Variants in ARSB observed in about 807,000 individuals in gnomAD.
The protein encoded by ARSB is N-acetylgalactosamine-4-sulfatase.
ARSB carries 41 observed loss-of-function variants against 50.9 expected under a neutral mutation model. The observed-to-expected ratio is 0.81, with a 90% CI of 0.63 to 1.04. ARSB has a LOEUF of 1.04. Ranked by LOEUF, ARSB falls within the 50% of genes least tolerant of loss-of-function variation. ARSB has a pLI of 0.00. For missense variants in ARSB, 672 were observed against 693.3 expected, an observed-to-expected ratio of 0.97 and a Z score of 0.35; for synonymous variants, 269 against 284.8, an observed-to-expected ratio of 0.94 and a Z score of 0.56.
At chr5:78,828,862 G>A (rs924869114) in intron 6 of ARSB, among the ~76,000 whole-genome samples, 1 of 152,200 alleles carries the variant, frequency 6.6e-6, no homozygotes, top group South Asian at 2.1e-4. Context: ...CTTTCAAATA[G>A]GGAGGTGATT....
chr5:78,933,920 A>T (rs1321177172), intron 4 of ARSB, among the ~76,000 whole-genome samples: 1 of 152,202 alleles, frequency 6.6e-6, no homozygotes, highest in Non-Finnish European at 1.5e-5. Context: ...GAGTGACGAG[A>T]GAGAAGAAAA....
chr5:78,793,089 T>C (rs1446952927), intron 6 of ARSB, among the ~76,000 whole-genome samples: 1 of 148,016 alleles, frequency 6.8e-6, no homozygotes, highest in Non-Finnish European at 1.5e-5. Context: ...TCCCTTAGTC[T>C]AGCCCAGCTG....
intron 6 of ARSB, among the ~76,000 whole-genome samples, chr5:78,827,199 T>C (rs946640714): frequency 2.6e-5 from 4 of 152,170 alleles, no homozygotes; most frequent in Non-Finnish European, 5.9e-5. Flanking sequence ...AAATATCTTA[T>C]ATAAACTACT....
intron 4 of ARSB, among the ~76,000 whole-genome samples, chr5:78,947,500 A>G (rs1751297594): frequency 6.6e-6 from 1 of 152,236 alleles, no homozygotes; most frequent in Non-Finnish European, 1.5e-5. Context: ...TTAAAAGAAG[A>G]CATATAAACG....
At chr5:78,807,550 C>T (rs1398429868) in intron 6 of ARSB, among the ~76,000 whole-genome samples, 1 of 152,140 alleles carries the variant, frequency 6.6e-6, no homozygotes, top group Non-Finnish European at 1.5e-5. Flanking sequence ...TATGCTGCTC[C>T]CCACCCCTTC....
Position 78,875,673 on chromosome 5 carries a change from TA to T in ARSB, c.1142+9910del, listed in dbSNP as rs201527184. 8.6e-4 allele frequency among the ~76,000 whole-genome samples: 123 copies of T among 143,658 alleles called. 1 individual carries two copies. Among genetic ancestry groups the T allele is most frequent in the Admixed American group, 7.1e-3 (102 of 14,396 alleles). The allele number at this position is 143,658 out of a possible 152,430, so 94.2% of individuals were successfully genotyped here. A position where few individuals can be genotyped will look rare whatever the true frequency, so the allele number is the denominator to read the frequency against. On this transcript the variant is annotated intron_variant, in intron 5 of 7. Transcript: ENST00000264914. ...TAACAATAATTATTTATATTATTAT[TA>T]TTTTTTTTTTTGAGACAGAGTCTCG...
chr5:78,839,200 G>A (rs1745079570), intron 6 of ARSB, among the ~76,000 whole-genome samples, 156 bp downstream of exon 6: 1 of 152,204 alleles, frequency 6.6e-6, no homozygotes, highest in Admixed American at 6.5e-5. Flanking sequence ...ACAGCACACT[G>A]CCCTCTGAGA....
chr5:78,862,371 A>G (rs1746486333), intron 5 of ARSB, among the ~76,000 whole-genome samples: 1 of 152,204 alleles, frequency 6.6e-6, no homozygotes, highest in South Asian at 2.1e-4. Flanking sequence ...ACTATACTAC[A>G]AGGCTACAGT....
chr5:78,938,891 T>A (rs1330802245), intron 4 of ARSB, among the ~76,000 whole-genome samples: 7 of 152,214 alleles, frequency 4.6e-5, no homozygotes, highest in Non-Finnish European at 1.0e-4. Flanking sequence ...TTGAACAGGA[T>A]CCGGTCACTG....
chr5:78,792,414 T>C (rs1278384569), intron 6 of ARSB, among the ~76,000 whole-genome samples: 2 of 150,928 alleles, frequency 1.3e-5, no homozygotes, highest in Non-Finnish European at 3.0e-5. Context: ...TTCAAGGCCA[T>C]CCTGGGCCAC....
chr5:78,856,166 A>G (rs368104406), intron 5 of ARSB, among the ~76,000 whole-genome samples: 3 of 152,252 alleles, frequency 2.0e-5, no homozygotes, highest in East Asian at 3.9e-4. Context: ...AATAGTTCCA[A>G]TGGAACTATC....
At chr5:78,947,891 A>G (rs909923509) in intron 4 of ARSB, among the ~76,000 whole-genome samples, 7 of 152,234 alleles carry the variant, frequency 4.6e-5, no homozygotes, top group African/African-American at 1.7e-4. Context: ...CTAAGTGTCC[A>G]TCAACAGATG....
intron 4 of ARSB, among the ~76,000 whole-genome samples, chr5:78,923,472 T>C (rs1379317391): frequency 2.0e-5 from 3 of 152,234 alleles, no homozygotes; most frequent in East Asian, 1.9e-4. Flanking sequence ...GCTTCAAGCA[T>C]CTGCAGTGAT....
At chr5:78,865,843 CAT>C (rs1746691233) in intron 5 of ARSB, among the ~76,000 whole-genome samples, 1 of 152,216 alleles carries the variant, frequency 6.6e-6, no homozygotes, top group African/African-American at 2.4e-5. Flanking sequence ...TTTGTTAAAA[CAT>C]AGCAAGAGTC....
chr5:78,900,831 A>G (rs1748769227), intron 4 of ARSB, among the ~76,000 whole-genome samples: 1 of 152,102 alleles, frequency 6.6e-6, no homozygotes, highest in Non-Finnish European at 1.5e-5. Context: ...CGAGGTCAGG[A>G]GATCGAGACC....
At chr5:78,896,776 C>G (rs1230575283) in intron 4 of ARSB, among the ~76,000 whole-genome samples, 1 of 152,080 alleles carries the variant, frequency 6.6e-6, no homozygotes, top group East Asian at 1.9e-4. Context: ...TCAGGCTTTT[C>G]AAATCTAACA....
intron 4 of ARSB, among the ~76,000 whole-genome samples, chr5:78,942,123 G>C (rs1248163821): frequency 6.6e-6 from 1 of 152,108 alleles, no homozygotes. Flanking sequence ...GGGATCAGTG[G>C]TGATATCCCC....
intron 5 of ARSB, among the ~76,000 whole-genome samples, chr5:78,846,815 G>A (rs1281046075): frequency 3.3e-5 from 5 of 152,070 alleles, no homozygotes; most frequent in African/African-American, 4.8e-5. Context: ...AGTGAGCATC[G>A]TTGTCTTGTT....
At chr5:78,948,576 T>C (rs933893690) in intron 4 of ARSB, among the ~76,000 whole-genome samples, 1 of 152,222 alleles carries the variant, frequency 6.6e-6, no homozygotes, top group Non-Finnish European at 1.5e-5. Flanking sequence ...GTGATTTATA[T>C]GCAGTAAGAA....
Sources: allele counts gnomAD v4.1 joint callset (sites outside exome capture counted in the v4.1 genomes callset), GRCh38; gene constraint gnomAD v4.1.1; transcripts MANE v1.5; gene names NCBI Gene and HGNC (gene_info 2026-07-23, HGNC 2026-07-21).